The following KRT13 variants were observed in gnomAD, a reference collection of about 807,000 sequenced individuals.
KRT13 encodes the protein keratin 13.
In KRT13, 27 loss-of-function variants were observed where a neutral mutation model predicts 40.6. The ratio of observed to expected loss-of-function variants is 0.67; its 90% confidence interval spans 0.49 to 0.92. KRT13 has a LOEUF of 0.92. KRT13 is among the 40% of genes least tolerant of loss of function. The pLI is 0.00. For missense variants in KRT13, 605 were observed against 611.5 expected, an observed-to-expected ratio of 0.99 and a Z score of 0.11; for synonymous variants, 266 against 240.3, an observed-to-expected ratio of 1.11 and a Z score of -0.99.
Position 41,504,862 on chromosome 17 carries a change from G to T in KRT13, c.495+194C>A, listed in dbSNP as rs575902934. Reference sequence around the variant, plus strand: ...ACAATCATAAAAATGAATAATGAGAGAAAATGCATTTGGGGAGTTGTGGCA... The same window carrying T: ...ACAATCATAAAAATGAATAATGAGATAAAATGCATTTGGGGAGTTGTGGCA... On this transcript the variant is annotated intron_variant, in intron 1 of 7. Transcript: ENST00000246635. 1.6e-3 allele frequency among the ~76,000 whole-genome samples: 248 copies of T among 152,316 alleles called. 2 individuals are homozygous for T. The highest frequency in any genetic ancestry group is 5.4e-3 in the African/African-American group (224 of 41,562).
rs1904905768 is a variant in KRT13 at position 41,502,789 on chromosome 17, C to T, written c.921G>A (p.Val307=). ...TCTGAATCATGGCAGTGTTGGTAGA[C>T]ACCTCCTTGTTCAGCTCTGCACTCT... The part of the protein sequence containing the change: ...HTKSAELNKE[V]STNTAMIQTS... The change falls in exon 5 of 8, where the codon GTG becomes GTA. Residue 307 remains valine, a synonymous_variant. Transcript: ENST00000246635. The T allele has an allele frequency of 6.2e-7, 1 of 1,614,138 alleles. No individual in the cohort carries two copies. Among genetic ancestry groups the T allele is most frequent in the Non-Finnish European group, 8.5e-7 (1 of 1,180,036 alleles).
At chr17:41,501,896 G>A (rs2144502471) in intron 6 of KRT13, 152 bp from the exon 7 acceptor site, 1 of 1,520,688 alleles carries the variant, frequency 6.6e-7, no homozygotes, top group East Asian at 2.5e-5. Context: ...AGGGACAGCA[G>A]CATCAGGTGC....
At chr17:41,503,480 G>T in intron 2 of KRT13, 37 bp from the exon 3 acceptor site, 1 of 1,610,764 alleles carries the variant, frequency 6.2e-7, no homozygotes, top group Non-Finnish European at 8.5e-7. Flanking sequence ...TTTTGAAAAA[G>T]CAAGACATAA....
chr17:41,505,316 C>T lies in KRT13; in HGVS notation c.235G>A (p.Gly79Ser). The T allele has an allele frequency of 6.2e-7, 1 of 1,613,846 alleles. No homozygotes were observed. The highest frequency in any genetic ancestry group is 8.5e-7 in the Non-Finnish European group (1 of 1,179,830). ...CCAGCAAAACCCCCACCAAAGCCAC[C>T]TCCAAGGCCACCTCCATAGCCACCT... ...LGGGYGGGLG[G>S]GFGGGFAGGF... Residue 79 changes from glycine (G) to serine (S), a missense_variant, in exon 1 of 8, where the codon GGT (glycine) becomes AGT (serine). Coordinates refer to ENST00000246635, the MANE Select transcript of KRT13 (RefSeq NM_153490.3).
Position 41,501,102 on chromosome 17 carries a change from G to A in KRT13, c.*154C>T. Reference sequence around the variant, plus strand: ...GATCCGACCGGAAGAGAAGAGCACAGAGGGCCCACCATCAGGAGAGAGTCA... The same window carrying A: ...GATCCGACCGGAAGAGAAGAGCACAAAGGGCCCACCATCAGGAGAGAGTCA... On this transcript the variant is annotated 3_prime_UTR_variant, in exon 8 of 8. Coordinates refer to ENST00000246635, the MANE Select transcript of KRT13 (RefSeq NM_153490.3). 4.8e-6 allele frequency: 3 copies of A among 622,970 alleles called. No individual in the cohort carries two copies. The South Asian group carries it at 5.0e-5, about 10-fold the overall frequency. The allele number at this position is 622,970 out of a possible 1,614,324, so 38.6% of individuals were successfully genotyped here.
chr17:41,503,323 AT>A lies in KRT13; in HGVS notation c.698del (p.Asn233MetfsTer4). The A allele has an allele frequency of 6.2e-7, 1 of 1,614,226 alleles. No individual in the cohort carries two copies. ...TDLEMQIESL[N>X]EELAYMKKNH... ...TCTTCTTCATGTAGGCTAGCTCTTC[AT>A]TCAGGCTCTCGATCTGCATCTCCAG... On this transcript the variant is annotated frameshift_variant, in exon 3 of 8. Transcript: ENST00000246635. LOFTEE classifies it high-confidence loss of function.
rs1231626065 is a variant in KRT13 at position 41,501,022 on chromosome 17, T to C, written c.*234A>G. 2.3e-6 allele frequency: 1 copy of C among 428,912 alleles called. No homozygotes were observed. Among genetic ancestry groups the C allele is most frequent in the East Asian group, 4.7e-5 (1 of 21,286 alleles). The allele number at this position is 428,912 out of a possible 1,614,324, so 26.6% of individuals were successfully genotyped here. A position where few individuals can be genotyped will look rare whatever the true frequency, so the allele number is the denominator to read the frequency against. ...CAGGAAACTTTATTGAATAATCTTT[T>C]CTTTGGGGTAGAGAAGTTGAGAAAC... On this transcript the variant is annotated 3_prime_UTR_variant, in exon 8 of 8. Coordinates refer to ENST00000246635, the MANE Select transcript of KRT13 (RefSeq NM_153490.3).
In KRT13 at chr17:41,503,716, C is replaced by A. The variant is rs142856552; in HGVS notation, c.505G>T (p.Ala169Ser). The change falls in exon 2 of 8, where the codon GCC becomes TCC. Residue 169 changes from alanine to serine, a missense_variant. Coordinates refer to ENST00000246635, the MANE Select transcript of KRT13 (RefSeq NM_153490.3). ...ATGACCCGGTTGTTTTCAATGGTGG[C>A]GGTCAGGATCTACAAAATGCAGAAG... is the stretch of plus-strand genomic sequence containing the variant. ...IEELRDKILT[A>S]TIENNRVILE... 5 of 1,613,780 alleles carry A rather than the reference C, an allele frequency of 3.1e-6. No homozygotes were observed. Among genetic ancestry groups the A allele is most frequent in the East Asian group, 4.5e-5 (2 of 44,886 alleles).
intron 7 of KRT13, 128 bp from the exon 8 acceptor site, chr17:41,501,490 C>T: frequency 9.3e-7 from 1 of 1,069,594 alleles, no homozygotes; most frequent in Non-Finnish European, 1.4e-6. Flanking sequence ...TCTTTATTGT[C>T]CCCAAAGATG....
intron 3 of KRT13, 74 bp downstream of exon 3, chr17:41,503,213 T>C (rs1295111585): frequency 6.2e-7 from 1 of 1,605,456 alleles, no homozygotes; most frequent in Admixed American, 1.7e-5. Context: ...GAGGACTGTG[T>C]CCAGTTGCAG....
Position 41,501,250 on chromosome 17 carries a change from G to A in KRT13, c.*6C>T, listed in dbSNP as rs751809395. ...TGAAGACAGAGGGAGGGGACGCCAG[G>A]CAGATTTAAGGCCTACGGACATCAG... On this transcript the variant is annotated 3_prime_UTR_variant, in exon 8 of 8. Coordinates refer to ENST00000246635, the MANE Select transcript of KRT13 (RefSeq NM_153490.3). The A allele has an allele frequency of 6.5e-7, 1 of 1,548,692 alleles. No homozygotes were observed. The highest frequency in any genetic ancestry group is 8.8e-7 in the Non-Finnish European group (1 of 1,142,240).
chr17:41,503,567 T>C, intron 2 of KRT13, 76 bp downstream of exon 2: 1 of 1,537,848 alleles, frequency 6.5e-7, no homozygotes, highest in Non-Finnish European at 9.0e-7. Context: ...TGCTCCAGTG[T>C]CATTGGTCAG....
chr17:41,504,589 G>T (rs1904993561), intron 1 of KRT13: 1 of 186,080 alleles, frequency 5.4e-6, no homozygotes, highest in South Asian at 1.1e-4. Context: ...CTAAGCCTCT[G>T]CCTCTCTCTC....
In KRT13 at chr17:41,505,390, C is replaced by G. The variant is rs781005051; in HGVS notation, c.161G>C (p.Gly54Ala). The G allele has an allele frequency of 6.2e-7, 1 of 1,613,786 alleles. No individual in the cohort carries two copies. Among genetic ancestry groups the G allele is most frequent in the Non-Finnish European group, 8.5e-7 (1 of 1,179,718 alleles). ...GYGGGVSCGFGGGAGSGFGGG... is the reference protein window; with the variant it reads ...GYGGGVSCGFAGGAGSGFGGG... Reference sequence around the variant, plus strand: ...TCCAAAGCCACTACCAGCCCCTCCACCAAAACCACAGCTCACGCCGCCTCC... The same window carrying G: ...TCCAAAGCCACTACCAGCCCCTCCAGCAAAACCACAGCTCACGCCGCCTCC... The change falls in exon 1 of 8, where the codon GGT becomes GCT. Residue 54 changes from glycine to alanine, a missense_variant. Physicochemically the swap from Gly to Ala is moderately conservative, Grantham distance 60. Transcript: ENST00000246635.
rs762141883 is a variant in KRT13, at chr17:41,503,003, C to A, written c.831G>T (p.Met277Ile). The A allele has an allele frequency of 6.2e-7, 1 of 1,614,246 alleles. No homozygotes were observed. Among genetic ancestry groups the A allele is most frequent in the Non-Finnish European group, 8.5e-7 (1 of 1,180,038 alleles). Reference protein sequence around the residue: ...GIDLTRVLAEMREQYEAMAER... With the variant: ...GIDLTRVLAEIREQYEAMAER... ...CTGCCATGGCCTCGTACTGCTCCCT[C>A]ATCTCTGCCAGCACGCGGGTCAGGT... is the stretch of plus-strand genomic sequence containing the variant. The change falls in exon 4 of 8, where the codon ATG becomes ATT. Residue 277 changes from methionine to isoleucine, a missense_variant. Transcript: ENST00000246635.
rs1567713087 is a variant in KRT13 at position 41,501,749 on chromosome 17, G to C, written c.1245-5C>G. The C allele has an allele frequency of 1.9e-6, 3 of 1,595,656 alleles. No homozygotes were observed. The highest frequency in any genetic ancestry group is 1.7e-4 in the Middle Eastern group (1 of 6,042). On this transcript the variant is annotated splice_region_variant and splice_polypyrimidine_tract_variant and intron_variant, in intron 6 of 7. Transcript: ENST00000246635. ...GAGGAAGGGAAACCAATCATCCTGG[G>C]AGAGAGGACAGAGGTGGCCATGAGC...
chr17:41,503,467 GT>G, intron 2 of KRT13, 24 bp from the exon 3 acceptor site: 1 of 1,613,298 alleles, frequency 6.2e-7, no homozygotes, highest in Non-Finnish European at 8.5e-7. Flanking sequence ...AAAATGAAAT[GT>G]TTTTTGAAAA....
intron 1 of KRT13, 25 bp from the exon 2 acceptor site, chr17:41,503,750 C>G (rs1338493264): frequency 6.3e-7 from 1 of 1,596,916 alleles, no homozygotes; most frequent in Admixed American, 1.7e-5. Flanking sequence ...AGAAGGTAAC[C>G]TCTAGGGCAT....
chr17:41,503,820 A>G, intron 1 of KRT13, 95 bp from the exon 2 acceptor site: 3 of 896,158 alleles, frequency 3.3e-6, no homozygotes, highest in Non-Finnish European at 5.7e-6. Flanking sequence ...CTTGGGCAAC[A>G]CATCAAATAC....
Sources: allele counts gnomAD v4.1 joint callset (sites outside exome capture counted in the v4.1 genomes callset), GRCh38; gene constraint gnomAD v4.1.1; transcripts MANE v1.5; gene names NCBI Gene and HGNC (gene_info 2026-07-23, HGNC 2026-07-21).